LRRFIP2: variants seen among roughly 807,000 people sequenced by gnomAD.
LRRFIP2 encodes LRR binding FLII interacting protein 2, also known as leucine-rich repeat flightless-interacting protein 2.
LRRFIP2 carries 109 observed loss-of-function variants against 125.9 expected under a neutral mutation model. The observed-to-expected ratio is 0.87, with a 90% CI of 0.74 to 1.01. LRRFIP2 has a LOEUF of 1.01. Ranked by LOEUF, LRRFIP2 falls within the 50% of genes least tolerant of loss-of-function variation. The pLI is 0.00. For synonymous variants in LRRFIP2, 291 were observed against 293.1 expected (o/e 0.99, Z 0.07); for missense variants, 850 against 862.3 (o/e 0.99, Z 0.18).
At chr3:37,155,881 T>G (rs954620433) in intron 1 of LRRFIP2, among the ~76,000 whole-genome samples, 28 of 151,314 alleles carry the variant, frequency 1.9e-4, no homozygotes, top group Admixed American at 7.9e-4. Flanking sequence ...TTAAAAAAAG[T>G]TTTTTTTTGG....
intron 7 of LRRFIP2, among the ~76,000 whole-genome samples, chr3:37,114,851 T>C (rs1023891815): frequency 3.3e-5 from 5 of 151,818 alleles, no homozygotes; most frequent in African/African-American, 1.2e-4. Flanking sequence ...TAAGAATAAC[T>C]TGTGTCTAAT....
intron 21 of LRRFIP2, among the ~76,000 whole-genome samples, chr3:37,071,906 A>G (rs2091260990): frequency 1.3e-5 from 2 of 152,142 alleles, no homozygotes; most frequent in African/African-American, 4.8e-5. Flanking sequence ...TTTGGTGTAC[A>G]TGGAATCTAC....
At chr3:37,095,544 T>C (rs968750795) in intron 16 of LRRFIP2, among the ~76,000 whole-genome samples, 1 of 152,192 alleles carries the variant, frequency 6.6e-6, no homozygotes, top group Non-Finnish European at 1.5e-5. Context: ...TTAGTCCAAA[T>C]TGAGAGTTGC....
intron 21 of LRRFIP2, among the ~76,000 whole-genome samples, chr3:37,072,501 C>CAA (rs907848276): frequency 0.012 from 395 of 33,816 alleles, 7 homozygotes; most frequent in African/African-American, 0.015. Flanking sequence ...GACTCCGTCT[C>CAA]AAAAAAAAAA....
Position 37,108,087 on chromosome 3 carries a change from G to C in LRRFIP2, c.700C>G (p.Arg234Gly), listed in dbSNP as rs777862597. 3 of 1,613,808 alleles carry C rather than the reference G, an allele frequency of 1.9e-6. No homozygotes were observed. Among genetic ancestry groups the C allele is most frequent in the Non-Finnish European group, 2.5e-6 (3 of 1,179,840 alleles). ...SYYSSRISSA[R>G]SSPGFTNDDT... ...AGACAGCTCACCCCTGGACTGCTTCGGGCTGAACTTATTCTTGATGAATAA... is the reference window on the plus strand; with the variant it reads ...AGACAGCTCACCCCTGGACTGCTTCCGGCTGAACTTATTCTTGATGAATAA... Residue 234 changes from arginine (R) to glycine (G), a missense_variant, in exon 13 of 28, where the codon CGA becomes GGA. Physicochemically the swap from Arg to Gly is moderately radical, Grantham distance 125 (BLOSUM62 -2). Coordinates refer to ENST00000336686, the MANE Select transcript of LRRFIP2 (RefSeq NM_006309.4).
chr3:37,084,143 A>T (rs1042955533), intron 18 of LRRFIP2, among the ~76,000 whole-genome samples: 14 of 152,334 alleles, frequency 9.2e-5, no homozygotes, highest in Non-Finnish European at 2.1e-4. Context: ...TTTTACTCTT[A>T]TAATTTTAAT....
intron 20 of LRRFIP2, 66 bp from the exon 21 acceptor site, chr3:37,072,948 G>C (rs373930192): frequency 1.9e-6 from 2 of 1,043,378 alleles, no homozygotes; most frequent in East Asian, 2.5e-5. Context: ...AGGTTTGAGG[G>C]AGGAAACAAA....
chr3:37,055,067 A>G lies in LRRFIP2; in HGVS notation c.1950+19T>C. 1.3e-6 allele frequency: 2 copies of G among 1,517,544 alleles called. No individual in the cohort carries two copies. The highest frequency in any genetic ancestry group is 1.8e-6 in the Non-Finnish European group (2 of 1,103,704). 94.0% of individuals were successfully genotyped at this position (1,517,544 alleles called of 1,614,324 possible). A position where few individuals can be genotyped will look rare whatever the true frequency, so the allele number is the denominator to read the frequency against. ...AGGAAGGACATTTAAATAACTTAGT[A>G]CCATATAGAAGTACTTACACTTTGC... is the stretch of plus-strand genomic sequence containing the variant. On this transcript the variant is annotated intron_variant, in intron 26 of 27. Transcript: ENST00000336686.
chr3:37,082,192 T>G lies in LRRFIP2; in HGVS notation c.1278+1444A>C, dbSNP rs191612799. 2.0e-4 allele frequency among the ~76,000 whole-genome samples: 31 copies of G among 152,142 alleles called. No individual in the cohort carries two copies. In the East Asian group the frequency reaches 5.6e-3, roughly 28 times the overall value. ...AGCAAAAAAAGGAGTCCAGAGGCTC[T>G]AGGAAAAGCATGATGGCTCAGAATC... On this transcript the variant is annotated intron_variant, in intron 19 of 27. Transcript: ENST00000336686.
At chr3:37,091,865 AC>A (rs1407426002) in intron 17 of LRRFIP2, among the ~76,000 whole-genome samples, 1 of 152,206 alleles carries the variant, frequency 6.6e-6, no homozygotes, top group African/African-American at 2.4e-5. Context: ...AAATCATACA[AC>A]TTTTAATATT....
At chr3:37,070,384 G>A (rs2090965384) in intron 21 of LRRFIP2, among the ~76,000 whole-genome samples, 1 of 152,070 alleles carries the variant, frequency 6.6e-6, no homozygotes, top group South Asian at 2.1e-4. Flanking sequence ...AAAGTGCTGG[G>A]ATTAAAGGCA....
At chr3:37,061,441 G>A (rs2088682655) in intron 24 of LRRFIP2, among the ~76,000 whole-genome samples, 1 of 141,976 alleles carries the variant, frequency 7.0e-6, no homozygotes, top group African/African-American at 2.7e-5. Context: ...GTCTCACTCT[G>A]CCACCCAAGG....
chr3:37,083,495 A>G (rs757104695), intron 19 of LRRFIP2, 141 bp downstream of exon 19: 4 of 523,188 alleles, frequency 7.6e-6, no homozygotes, highest in Non-Finnish European at 1.3e-5. Context: ...CTGATATCTC[A>G]TGGTGTTCTG....
At chr3:37,141,214 C>G (rs2095689452) in intron 2 of LRRFIP2, among the ~76,000 whole-genome samples, 1 of 152,194 alleles carries the variant, frequency 6.6e-6, no homozygotes, top group Non-Finnish European at 1.5e-5. Flanking sequence ...ACCACTCACT[C>G]TCCACTGGGT....
intron 24 of LRRFIP2, among the ~76,000 whole-genome samples, chr3:37,061,732 T>C (rs755370965): frequency 6.6e-6 from 1 of 152,138 alleles, no homozygotes; most frequent in Non-Finnish European, 1.5e-5. Context: ...TATTCCTTTA[T>C]AGCGAAGCAA....
chr3:37,063,647 A>C, intron 24 of LRRFIP2, 95 bp downstream of exon 24: 1 of 900,304 alleles, frequency 1.1e-6, no homozygotes, highest in Non-Finnish European at 1.9e-6. Flanking sequence ...GATGTTTGAA[A>C]GAAGCATATT....
rs887829767 is a variant in LRRFIP2, at chr3:37,060,797, A to G, written c.1750-1887T>C. Among the ~76,000 whole-genome samples the G allele has an allele frequency of 1.4e-4, 22 of 152,298 alleles. No individual in the cohort carries two copies. Among genetic ancestry groups the G allele is most frequent in the African/African-American group, 5.3e-4 (22 of 41,552 alleles). On this transcript the variant is annotated intron_variant, in intron 24 of 27. Coordinates refer to ENST00000336686, the MANE Select transcript of LRRFIP2 (RefSeq NM_006309.4). This position sits in a 1 kb window ranked among gnomAD's most constrained non-coding sequence, Gnocchi z 4.1. ...ATTCCTTCATCACCATTTATTAAAT[A>G]GCTCCCAACTTGCACTCCCTCTAGA...
At chr3:37,169,623 C>A (rs2096557794) in intron 1 of LRRFIP2, among the ~76,000 whole-genome samples, 1 of 152,126 alleles carries the variant, frequency 6.6e-6, no homozygotes, top group Admixed American at 6.5e-5. Flanking sequence ...AAACAGAAAG[C>A]CAAAAGATTT....
intron 2 of LRRFIP2, among the ~76,000 whole-genome samples, chr3:37,141,149 T>C (rs1041962955): frequency 1.2e-4 from 19 of 152,146 alleles, no homozygotes; most frequent in African/African-American, 4.1e-4. Flanking sequence ...AGACCCTGTT[T>C]CAAAAAATAA....
Sources: allele counts gnomAD v4.1 joint callset (sites outside exome capture counted in the v4.1 genomes callset), GRCh38; gene constraint gnomAD v4.1.1; non-coding constraint Gnocchi (gnomAD v3.1); transcripts MANE v1.5; gene names NCBI Gene and HGNC (gene_info 2026-07-23, HGNC 2026-07-21).